Variants in SPON1 observed in about 807,000 individuals in gnomAD.
SPON1 encodes spondin 1.
Under a neutral mutation model 111.7 loss-of-function variants are expected in SPON1, and 52 were observed. The ratio of observed to expected loss-of-function variants is 0.47; its 90% CI spans 0.37 to 0.59. The LOEUF (loss-of-function observed/expected upper bound fraction) is 0.59, where lower values mean the gene tolerates loss of function less well. Ranked by LOEUF, SPON1 falls within the 20% of genes least tolerant of loss-of-function variation. The probability of loss-of-function intolerance (pLI) is 0.00; values close to 1 mark genes in which losing one functional copy is unlikely to be tolerated. For synonymous variants in SPON1, 410 were observed against 395.8 expected (o/e 1.04, Z -0.43); for missense variants, 957 against 1,068.5 (o/e 0.90, Z 1.46).
At chr11:14,217,663 G>A (rs1554937253) in intron 6 of SPON1, among the ~76,000 whole-genome samples, 1 of 151,480 alleles carries the variant, frequency 6.6e-6, no homozygotes, top group Non-Finnish European at 1.5e-5. Context: ...TACTCAAAAA[G>A]ACTTGTGTTT....
At chr11:14,052,855 G>A (rs1848718015) in intron 3 of SPON1, among the ~76,000 whole-genome samples, 1 of 152,212 alleles carries the variant, frequency 6.6e-6, no homozygotes, top group South Asian at 2.1e-4. Context: ...CCGAGGAACA[G>A]GCCCTAGACA....
chr11:14,234,679 G>A (rs1434776825), intron 6 of SPON1, among the ~76,000 whole-genome samples: 2 of 152,170 alleles, frequency 1.3e-5, no homozygotes, highest in African/African-American at 4.8e-5. Context: ...GGCAGGCCCG[G>A]AACAGCTCTG....
chr11:14,255,871 T>TA, intron 9 of SPON1, 84 bp downstream of exon 9: 1 of 1,428,248 alleles, frequency 7.0e-7, no homozygotes, highest in South Asian at 1.4e-5. Context: ...TCTAGAATCA[T>TA]AGAGTCACTG....
chr11:14,060,026 G>A lies in SPON1; in HGVS notation c.480-15319G>A, dbSNP rs536289961. ...TTTCCTCCTTATAAAATGGGAATCA[G>A]GAGCAAAGGCATAGGAAGTACCCCT... is the stretch of plus-strand genomic sequence containing the variant. On this transcript the variant is annotated intron_variant, in intron 3 of 15. Coordinates refer to ENST00000576479, the MANE Select transcript of SPON1 (RefSeq NM_006108.4). Among the ~76,000 whole-genome samples, 13 of 152,252 alleles carry A rather than the reference G, an allele frequency of 8.5e-5. No homozygotes were observed. In the East Asian group the frequency reaches 2.5e-3, roughly 29 times the overall value.
chr11:14,136,934 G>A (rs9919595), intron 6 of SPON1, among the ~76,000 whole-genome samples: 59,576 of 151,974 alleles, frequency 0.39, 11,902 homozygotes, highest in East Asian at 0.54. Context: ...GGGAACCATT[G>A]TTTGGGATCC....
At chr11:14,247,526 G>T (rs1237153219) in intron 7 of SPON1, among the ~76,000 whole-genome samples, 1 of 152,230 alleles carries the variant, frequency 6.6e-6, no homozygotes, top group Non-Finnish European at 1.5e-5. Context: ...AGCCCAGTGA[G>T]GGGGGCTACT....
Position 14,266,613 on chromosome 11 carries a change from A to G in SPON1, c.*926A>G, listed in dbSNP as rs1422892585. 6.6e-6 allele frequency: 1 copy of G among 152,166 alleles called. No homozygotes were observed. The highest frequency in any genetic ancestry group is 1.5e-5 in the Non-Finnish European group (1 of 68,032). The allele number at this position is 152,166 out of a possible 1,614,324, so 9.4% of individuals were successfully genotyped here. ...GTTTGCAAATCAGTTTTTAGCAAGAAAACATTTTTGCTATACAAACATTTT... is the reference window on the plus strand; with the variant it reads ...GTTTGCAAATCAGTTTTTAGCAAGAGAACATTTTTGCTATACAAACATTTT... On this transcript the variant is annotated 3_prime_UTR_variant, in exon 16 of 16. Transcript: ENST00000576479.
intron 6 of SPON1, among the ~76,000 whole-genome samples, chr11:14,151,609 T>C (rs1490288704): frequency 6.6e-6 from 1 of 152,192 alleles, no homozygotes; most frequent in Non-Finnish European, 1.5e-5. Flanking sequence ...TCCTGGGTTA[T>C]AATGCCTTCT....
chr11:14,099,886 A>G (rs1329263303), intron 5 of SPON1, among the ~76,000 whole-genome samples: 2 of 152,128 alleles, frequency 1.3e-5, no homozygotes, highest in Admixed American at 1.3e-4. Context: ...AGTGAGGGAC[A>G]GAGGGAAGAG....
chr11:14,223,876 G>T (rs912554748), intron 6 of SPON1, among the ~76,000 whole-genome samples: 4 of 152,194 alleles, frequency 2.6e-5, no homozygotes, highest in African/African-American at 9.6e-5. Context: ...GGGGGTCCAG[G>T]TCCCTTCTGC....
At chr11:14,159,200 T>C (rs576325056) in intron 6 of SPON1, among the ~76,000 whole-genome samples, 1 of 152,266 alleles carries the variant, frequency 6.6e-6, no homozygotes, top group South Asian at 2.1e-4. Flanking sequence ...GCCACTTTTT[T>C]CTGTTTTTTG....
rs58466611 is a variant in SPON1, at chr11:14,021,682, T to C, written c.346-19839T>C. 4.4e-3 allele frequency among the ~76,000 whole-genome samples: 667 copies of C among 152,306 alleles called. 4 individuals carry two copies. The highest frequency in any genetic ancestry group is 0.015 in the African/African-American group (605 of 41,560). Reference sequence around the variant, plus strand: ...TGGAAGGAGGAGTTCTCCAAGTTCCTACAAGACCTGAGACGACCCTGCCCT... The same window carrying C: ...TGGAAGGAGGAGTTCTCCAAGTTCCCACAAGACCTGAGACGACCCTGCCCT... On this transcript the variant is annotated intron_variant, in intron 2 of 15. Coordinates refer to ENST00000576479, the MANE Select transcript of SPON1 (RefSeq NM_006108.4).
intron 6 of SPON1, among the ~76,000 whole-genome samples, chr11:14,239,090 A>C (rs1848896874): frequency 6.6e-6 from 1 of 152,172 alleles, no homozygotes; most frequent in Admixed American, 6.5e-5. Flanking sequence ...TAGTGCCCCC[A>C]TCCAAGCTAC....
chr11:14,216,378 G>T (rs1554937149), intron 6 of SPON1, among the ~76,000 whole-genome samples: 1 of 152,192 alleles, frequency 6.6e-6, no homozygotes, highest in African/African-American at 2.4e-5. Flanking sequence ...CAAACAATGT[G>T]CAGATGCCTC....
At chr11:14,057,841 AAAC>A (rs1193692785) in intron 3 of SPON1, among the ~76,000 whole-genome samples, 22 of 149,346 alleles carry the variant, frequency 1.5e-4, no homozygotes, top group South Asian at 2.2e-4. Flanking sequence ...CAAAAAAAAA[AAAC>A]AAAACAAAAA....
intron 6 of SPON1, among the ~76,000 whole-genome samples, chr11:14,186,633 G>C (rs1164834325): frequency 1.3e-5 from 2 of 152,158 alleles, no homozygotes; most frequent in Non-Finnish European, 2.9e-5. Flanking sequence ...ACTCACTCCT[G>C]CTTATGCTGT....
chr11:14,206,873 A>G (rs1218403622), intron 6 of SPON1, among the ~76,000 whole-genome samples: 1 of 152,146 alleles, frequency 6.6e-6, no homozygotes, highest in Non-Finnish European at 1.5e-5. Context: ...TCACAGAACT[A>G]GAAAAAAACT....
intron 5 of SPON1, among the ~76,000 whole-genome samples, chr11:14,126,911 T>C (rs757851708): frequency 6.6e-6 from 1 of 152,162 alleles, no homozygotes; most frequent in Non-Finnish European, 1.5e-5. Context: ...CACCTCATTC[T>C]GCAGGCCCCA....
chr11:14,256,035 T>G (rs541560813), intron 9 of SPON1, among the ~76,000 whole-genome samples: 1 of 152,230 alleles, frequency 6.6e-6, no homozygotes, highest in East Asian at 1.9e-4. Flanking sequence ...TCACCCGAGG[T>G]CAGGAATTCA....
Sources: gnomAD v4.1 joint callset for allele counts (sites outside exome capture counted in the v4.1 genomes callset) on GRCh38, gnomAD v4.1.1 for gene constraint, MANE v1.5 for transcripts, NCBI Gene and HGNC (gene_info 2026-07-23, HGNC 2026-07-21) for gene names.